Variants in MARCHF11 observed in about 807,000 individuals in gnomAD.
MARCHF11 encodes E3 ubiquitin-protein ligase MARCHF11.
MARCHF11 carries 29 observed loss-of-function variants against 37.3 expected under a neutral mutation model. That is an observed-to-expected ratio of 0.78 (90% CI 0.58 to 1.06). MARCHF11 has a LOEUF of 1.06. Among genes scored for constraint, MARCHF11 ranks in the 50% least tolerant of loss-of-function variants. The pLI is 0.00. For missense variants in MARCHF11, 482 were observed against 533.4 expected (o/e 0.90, Z 0.95); for synonymous variants, 233 against 228.0 (o/e 1.02, Z -0.20).
intron 2 of MARCHF11, among the ~76,000 whole-genome samples, chr5:16,163,835 A>G (rs1253166780): frequency 6.6e-6 from 1 of 152,086 alleles, no homozygotes; most frequent in Non-Finnish European, 1.5e-5. Context: ...AAGCTCTCAC[A>G]GATGGGATTA....
chr5:16,127,832 C>T lies in MARCHF11; in HGVS notation c.694-36751G>A, dbSNP rs144465364. 3.9e-5 allele frequency among the ~76,000 whole-genome samples: 6 copies of T among 152,280 alleles called. 1 individual carries two copies. Among genetic ancestry groups the T allele is most frequent in the Admixed American group, 6.5e-5 (1 of 15,298 alleles). On this transcript the variant is annotated intron_variant, in intron 2 of 3. Transcript: ENST00000332432. ...TTTGTTCTCAATCACAGGATCTGCCCGCCCCTCTGGCTTCTGGTTGAACGG... is the reference window on the plus strand; with the variant it reads ...TTTGTTCTCAATCACAGGATCTGCCTGCCCCTCTGGCTTCTGGTTGAACGG...
At chr5:16,069,270 AT>A (rs1423348119) in intron 3 of MARCHF11, among the ~76,000 whole-genome samples, 1 of 152,202 alleles carries the variant, frequency 6.6e-6, no homozygotes, top group Non-Finnish European at 1.5e-5. Context: ...AATACTATAC[AT>A]TTTAATAAAG....
In MARCHF11 at chr5:16,175,850, TC is replaced by T. The variant is rs550166461; in HGVS notation, c.693+1875del. 9.8e-4 allele frequency among the ~76,000 whole-genome samples: 149 copies of T among 152,310 alleles called. No individual in the cohort carries two copies. The Middle Eastern group carries it at 0.014, about 14-fold the overall frequency. On this transcript the variant is annotated intron_variant, in intron 2 of 3. Coordinates refer to ENST00000332432, the MANE Select transcript of MARCHF11 (RefSeq NM_001102562.3). ...TTGTTTCTACGTATGATTTGGTAGG[TC>T]ACTACAACAATCAGATCAGGTTACA...
At chr5:16,141,514 T>G (rs888054095) in intron 2 of MARCHF11, 4 of 152,106 alleles carry the variant, frequency 2.6e-5, no homozygotes, top group Non-Finnish European at 4.4e-5. Flanking sequence ...ACTGATAAAC[T>G]GCAAAAAGCT....
intron 2 of MARCHF11, among the ~76,000 whole-genome samples, chr5:16,119,417 T>C (rs1013814974): frequency 1.3e-5 from 2 of 151,522 alleles, no homozygotes; most frequent in African/African-American, 4.8e-5. Flanking sequence ...ACAAAAGCTC[T>C]GAGCTTCCAA....
chr5:16,115,107 TC>T (rs1737208541), intron 2 of MARCHF11, among the ~76,000 whole-genome samples: 2 of 152,194 alleles, frequency 1.3e-5, no homozygotes, highest in Admixed American at 1.3e-4. Flanking sequence ...GACTGCAGTA[TC>T]ATTTGTAACG....
At chr5:16,087,826 T>C (rs1374624353) in intron 3 of MARCHF11, among the ~76,000 whole-genome samples, 1 of 152,194 alleles carries the variant, frequency 6.6e-6, no homozygotes, top group Middle Eastern at 3.2e-3. Flanking sequence ...TTTCCCCAAG[T>C]AAACAAATGT....
In MARCHF11 at chr5:16,137,139, G is replaced by A. The variant is rs554720140; in HGVS notation, c.693+40587C>T. ...TTCAAAACTCAGAAGAAAAAGGCCCGTAGATTGGCTCCCCAAGGGTGAAAA... is the reference window on the plus strand; with the variant it reads ...TTCAAAACTCAGAAGAAAAAGGCCCATAGATTGGCTCCCCAAGGGTGAAAA... On this transcript the variant is annotated intron_variant, in intron 2 of 3. Transcript: ENST00000332432. 6.6e-5 allele frequency among the ~76,000 whole-genome samples: 10 copies of A among 152,224 alleles called. No homozygotes were observed. In the South Asian group the frequency reaches 8.3e-4, roughly 13 times the overall value.
chr5:16,101,409 A>C (rs984654425), intron 2 of MARCHF11, among the ~76,000 whole-genome samples: 1 of 152,194 alleles, frequency 6.6e-6, no homozygotes, highest in Non-Finnish European at 1.5e-5. Flanking sequence ...TTCAGTTTTC[A>C]ATTTATGCTG....
rs140886012 is a variant in MARCHF11, at chr5:16,128,820, G to A, written c.694-37739C>T. ...TGTCATTCAAAGTCCATAATAAAAT[G>A]TATTCAATATTCAAAAATTTAGAAG... is the stretch of plus-strand genomic sequence containing the variant. On this transcript the variant is annotated intron_variant, in intron 2 of 3. Transcript: ENST00000332432. 4.9e-3 allele frequency among the ~76,000 whole-genome samples: 749 copies of A among 152,260 alleles called. 7 individuals carry two copies. The highest frequency in any genetic ancestry group is 0.017 in the African/African-American group (705 of 41,548).
chr5:16,163,282 A>G (rs1214393705), intron 2 of MARCHF11, among the ~76,000 whole-genome samples: 1 of 152,014 alleles, frequency 6.6e-6, no homozygotes, highest in African/African-American at 2.4e-5. Context: ...GAAAATAGGG[A>G]AAAACAAAAC....
intron 2 of MARCHF11, among the ~76,000 whole-genome samples, chr5:16,170,656 C>T (rs751370914): frequency 6.6e-6 from 1 of 152,124 alleles, no homozygotes; most frequent in Non-Finnish European, 1.5e-5. Flanking sequence ...TCTATTAATT[C>T]ATACCATAAA....
Position 16,179,770 on chromosome 5 carries a change from G to C in MARCHF11, c.-195C>G, listed in dbSNP as rs1279906352. 8.2e-5 allele frequency: 22 copies of C among 269,332 alleles called. No individual in the cohort carries two copies. The highest frequency in any genetic ancestry group is 3.9e-4 in the Admixed American group (7 of 17,800). The allele number at this position is 269,332 out of a possible 1,614,324, so 16.7% of individuals were successfully genotyped here. Reference sequence around the variant, plus strand: ...CGGCGGCGGCAGGCGCGGCCGTTCGGTGGAGCCGCCGGCTCGGCTCTGATG... The same window carrying C: ...CGGCGGCGGCAGGCGCGGCCGTTCGCTGGAGCCGCCGGCTCGGCTCTGATG... On this transcript the variant is annotated 5_prime_UTR_variant, in exon 1 of 4. Transcript: ENST00000332432.
At chr5:16,106,314 T>C (rs1737038643) in intron 2 of MARCHF11, among the ~76,000 whole-genome samples, 1 of 152,132 alleles carries the variant, frequency 6.6e-6, no homozygotes, top group Non-Finnish European at 1.5e-5. Flanking sequence ...GAAAGTGTGT[T>C]CGGCAATCTG....
chr5:16,124,802 A>G (rs933807364), intron 2 of MARCHF11, among the ~76,000 whole-genome samples: 2 of 144,788 alleles, frequency 1.4e-5, no homozygotes, highest in African/African-American at 2.4e-5. Context: ...TAAAACCTCA[A>G]GATAAAATCT....
chr5:16,146,380 C>T (rs1012752484), intron 2 of MARCHF11, among the ~76,000 whole-genome samples: 2 of 152,208 alleles, frequency 1.3e-5, no homozygotes, highest in African/African-American at 4.8e-5. Context: ...CAAAGCCTTT[C>T]TCCTTTGCTG....
chr5:16,158,696 A>G (rs1040679245), intron 2 of MARCHF11, among the ~76,000 whole-genome samples: 1 of 151,958 alleles, frequency 6.6e-6, no homozygotes, highest in African/African-American at 2.4e-5. Context: ...AATGTATTGC[A>G]TTCTTTTTTT....
chr5:16,070,139 C>A (rs1454321242), intron 3 of MARCHF11, among the ~76,000 whole-genome samples: 1 of 152,136 alleles, frequency 6.6e-6, no homozygotes, highest in Non-Finnish European at 1.5e-5. Context: ...CCTAACCGAT[C>A]AGATATTTTC....
chr5:16,179,036 T>G lies in MARCHF11; in HGVS notation c.537+3A>C. On this transcript the variant is annotated splice_donor_region_variant and intron_variant, in intron 1 of 3. Coordinates refer to ENST00000332432, the MANE Select transcript of MARCHF11 (RefSeq NM_001102562.3). ...GCTGCCTCGGGGTCTCGCCGGGCCT[T>G]ACCTGCTCCGCGCCCTGGAAGCAGA... 6.8e-7 allele frequency: 1 copy of G among 1,473,404 alleles called. No homozygotes were observed. Among genetic ancestry groups the G allele is most frequent in the Non-Finnish European group, 8.9e-7 (1 of 1,118,114 alleles). The allele number at this position is 1,473,404 out of a possible 1,614,324, so 91.3% of individuals were successfully genotyped here.
Sources: allele counts gnomAD v4.1 joint callset (sites outside exome capture counted in the v4.1 genomes callset), GRCh38; gene constraint gnomAD v4.1.1; transcripts MANE v1.5; gene names NCBI Gene and HGNC (gene_info 2026-07-23, HGNC 2026-07-21).